FBXL17: variants seen among roughly 807,000 people sequenced by gnomAD.
The protein encoded by FBXL17 is F-box/LRR-repeat protein 17.
In FBXL17, 22 loss-of-function variants were observed where a neutral mutation model predicts 66.2. The ratio of observed to expected loss-of-function variants is 0.33; its 90% CI spans 0.24 to 0.47. The LOEUF (loss-of-function observed/expected upper bound fraction) is 0.47. Among genes scored for constraint, FBXL17 ranks in the 20% least tolerant of loss-of-function variants. FBXL17 has a pLI of 1.00. For missense variants in FBXL17, 878 were observed against 948.2 expected (o/e 0.93, Z 0.97); for synonymous variants, 474 against 400.5 (o/e 1.18, Z -2.19).
intron 7 of FBXL17, among the ~76,000 whole-genome samples, chr5:107,971,682 C>A (rs1213954985): frequency 6.6e-6 from 1 of 152,174 alleles, no homozygotes; most frequent in Non-Finnish European, 1.5e-5. Flanking sequence ...AGGACAGAAT[C>A]ACTAACATTT....
intron 7 of FBXL17, among the ~76,000 whole-genome samples, chr5:107,914,183 A>T (rs1750050154): frequency 6.6e-6 from 1 of 152,204 alleles, no homozygotes; most frequent in Admixed American, 6.5e-5. Flanking sequence ...CAGTGGTTCA[A>T]ATCAGAGAGT....
At chr5:108,211,592 T>G (rs1453872401) in intron 5 of FBXL17, among the ~76,000 whole-genome samples, 1 of 152,192 alleles carries the variant, frequency 6.6e-6, no homozygotes, top group Non-Finnish European at 1.5e-5. Flanking sequence ...TGAAGCTTAG[T>G]TTGGCTGGAT....
intron 6 of FBXL17, among the ~76,000 whole-genome samples, chr5:108,164,677 C>T (rs951597178): frequency 5.9e-5 from 9 of 152,288 alleles, no homozygotes; most frequent in African/African-American, 1.4e-4. Context: ...CTAAGTACTT[C>T]ACATGTACAA....
intron 5 of FBXL17, among the ~76,000 whole-genome samples, chr5:108,207,906 A>G (rs1754195222): frequency 1.3e-5 from 2 of 152,144 alleles, no homozygotes; most frequent in African/African-American, 4.8e-5. Context: ...ACAGTCTTCC[A>G]CAATAGTTGA....
At chr5:107,907,496 T>C (rs927123286) in intron 7 of FBXL17, among the ~76,000 whole-genome samples, 24 of 151,998 alleles carry the variant, frequency 1.6e-4, no homozygotes, top group Non-Finnish European at 5.9e-5. Flanking sequence ...ACAAAAAACA[T>C]GGAGCCAACC....
intron 4 of FBXL17, among the ~76,000 whole-genome samples, chr5:108,232,804 T>TATATATATATATATATATATAA (rs1252750270): frequency 2.7e-5 from 3 of 112,036 alleles, no homozygotes; most frequent in Non-Finnish European, 5.3e-5. Flanking sequence ...TATATATATA[T>TATATATATATATATATATATAA]AATATATACT....
intron 6 of FBXL17, among the ~76,000 whole-genome samples, chr5:108,160,475 G>C (rs1343517004): frequency 6.6e-6 from 1 of 152,188 alleles, no homozygotes; most frequent in Non-Finnish European, 1.5e-5. Context: ...AAAGTTCTCA[G>C]TTAGTAGCTT....
chr5:107,912,922 T>G (rs1380186469), intron 7 of FBXL17, among the ~76,000 whole-genome samples: 2 of 152,176 alleles, frequency 1.3e-5, no homozygotes, highest in Non-Finnish European at 2.9e-5. Flanking sequence ...TGAAAAAGTA[T>G]AGTGTAAGAC....
At chr5:107,961,195 CTTTT>C (rs1239129640) in intron 7 of FBXL17, among the ~76,000 whole-genome samples, 1 of 151,722 alleles carries the variant, frequency 6.6e-6, no homozygotes, top group Non-Finnish European at 1.5e-5. Context: ...TTCTTTCTTT[CTTTT>C]TTTCTTTTTC....
At chr5:107,941,376 G>C (rs4957730) in intron 7 of FBXL17, among the ~76,000 whole-genome samples, 13,336 of 152,204 alleles carry the variant, frequency 0.088, 758 homozygotes, top group South Asian at 0.16. Context: ...CAGAATCATG[G>C]CTGACCTCTG....
chr5:108,086,605 C>T (rs989947756), intron 6 of FBXL17, among the ~76,000 whole-genome samples: 2 of 152,168 alleles, frequency 1.3e-5, no homozygotes, highest in African/African-American at 4.8e-5. Flanking sequence ...GTTGCCCAGG[C>T]TGGAGTGCAG....
chr5:108,154,150 G>T (rs1191240699), intron 6 of FBXL17, among the ~76,000 whole-genome samples: 1 of 151,724 alleles, frequency 6.6e-6, no homozygotes, highest in African/African-American at 2.4e-5. Flanking sequence ...CATTGAATTT[G>T]GATAGTGAAG....
intron 7 of FBXL17, among the ~76,000 whole-genome samples, chr5:108,001,173 T>TTA (rs988166141): frequency 6.6e-6 from 1 of 152,120 alleles, no homozygotes; most frequent in Non-Finnish European, 1.5e-5. Context: ...GCCGTGTAAT[T>TTA]TATATATATA....
chr5:107,867,408 G>A (rs1748307237), intron 8 of FBXL17, among the ~76,000 whole-genome samples: 2 of 152,184 alleles, frequency 1.3e-5, no homozygotes, highest in Non-Finnish European at 2.9e-5. Context: ...CCTCCATACT[G>A]GAGATCATTC....
chr5:108,060,321 G>A lies in FBXL17; in HGVS notation c.1746-39320C>T, dbSNP rs963831963. On this transcript the variant is annotated intron_variant, in intron 6 of 8. Transcript: ENST00000542267. The stretch of plus-strand genomic sequence containing the variant: ...ATTATATTATTTAAGAAATTACTCC[G>A]GTTGGATTACACATGGTAAAGAGGC... Among the ~76,000 whole-genome samples, 5 of 152,142 alleles carry A rather than the reference G, an allele frequency of 3.3e-5. No homozygotes were observed. The East Asian group carries it at 7.7e-4, about 24-fold the overall frequency.
At chr5:108,214,965 T>C (rs1754537650) in intron 5 of FBXL17, among the ~76,000 whole-genome samples, 2 of 152,172 alleles carry the variant, frequency 1.3e-5, no homozygotes, top group Admixed American at 6.5e-5. Flanking sequence ...TATAGAAAAA[T>C]AGCCTTTGTA....
chr5:108,342,207 C>CA (rs1448238150), intron 4 of FBXL17, among the ~76,000 whole-genome samples: 1 of 152,114 alleles, frequency 6.6e-6, no homozygotes, highest in African/African-American at 2.4e-5. Context: ...GGACAAAAAT[C>CA]AAATGGTACT....
At chr5:108,339,857 T>C (rs1482500938) in intron 4 of FBXL17, among the ~76,000 whole-genome samples, 1 of 152,180 alleles carries the variant, frequency 6.6e-6, no homozygotes, top group Admixed American at 6.6e-5. Context: ...CGTTTGCATT[T>C]GGCCATCTCC....
At chr5:107,890,647 G>C (rs1749168481) in intron 7 of FBXL17, among the ~76,000 whole-genome samples, 1 of 149,120 alleles carries the variant, frequency 6.7e-6, no homozygotes, top group Non-Finnish European at 1.5e-5. Context: ...CTGGGAGAAA[G>C]AGTGAGACCT....
Sources: gnomAD v4.1 joint callset for allele counts (sites outside exome capture counted in the v4.1 genomes callset) on GRCh38, gnomAD v4.1.1 for gene constraint, MANE v1.5 for transcripts, NCBI Gene and HGNC (gene_info 2026-07-23, HGNC 2026-07-21) for gene names.